COX7A2L: variants seen among roughly 807,000 people sequenced by gnomAD.
COX7A2L encodes the protein cytochrome c oxidase subunit 7A2 like, also known as cytochrome c oxidase subunit 7A2-like, mitochondrial.
Under a neutral mutation model 14.2 loss-of-function variants are expected in COX7A2L, and 18 were observed. The observed-to-expected ratio is 1.27, with a 90% CI of 0.88 to 1.88. The LOEUF (loss-of-function observed/expected upper bound fraction) is 1.88. COX7A2L is among the 40% of genes most tolerant of loss of function. The pLI is 0.00. For synonymous variants in COX7A2L, 65 were observed against 57.4 expected (o/e 1.13, Z -0.60); for missense variants, 179 against 138.8 (o/e 1.29, Z -1.46).
At chr2:42,353,968 G>A (rs780337271) in intron 1 of COX7A2L, among the ~76,000 whole-genome samples, 31 of 152,260 alleles carry the variant, frequency 2.0e-4, no homozygotes, top group African/African-American at 6.3e-4. Flanking sequence ...AAAACATTAC[G>A]CTGAGTCAAA....
chr2:42,365,015 T>C (rs949137977), upstream of COX7A2L, among the ~76,000 whole-genome samples: 2 of 152,218 alleles, frequency 1.3e-5, no homozygotes, highest in Non-Finnish European at 2.9e-5. Context: ...TCACATTTCA[T>C]CTCACTGGTT....
At chr2:42,337,794 G>A (rs1048205803) in intron 2 of COX7A2L, among the ~76,000 whole-genome samples, 8 of 152,152 alleles carry the variant, frequency 5.3e-5, no homozygotes, top group Admixed American at 4.6e-4. Flanking sequence ...CTTTTGAAGG[G>A]AATATGGAGA....
intron 2 of COX7A2L, among the ~76,000 whole-genome samples, chr2:42,351,989 G>C (rs1228464488): frequency 6.6e-6 from 1 of 152,052 alleles, no homozygotes; most frequent in African/African-American, 2.4e-5. Flanking sequence ...TCTTAAAAAA[G>C]ATAAAAAGAG....
chr2:42,363,450 T>C (rs547547988), upstream of COX7A2L, among the ~76,000 whole-genome samples: 1 of 152,368 alleles, frequency 6.6e-6, no homozygotes, highest in African/African-American at 2.4e-5. Context: ...CACTAAGGTG[T>C]ACCAGCTTCT....
chr2:42,362,883 T>A (rs75136469), upstream of COX7A2L, among the ~76,000 whole-genome samples: 76 of 135,028 alleles, frequency 5.6e-4, no homozygotes, highest in African/African-American at 1.6e-3. Flanking sequence ...TTTTTTTTTT[T>A]AAATTCTTTT....
intron 1 of COX7A2L, among the ~76,000 whole-genome samples, chr2:42,354,787 A>G (rs72976240): frequency 8.5e-5 from 13 of 152,364 alleles, no homozygotes; most frequent in African/African-American, 3.1e-4. Context: ...CACTAGAAAT[A>G]CACAATGAAT....
intron 1 of COX7A2L, among the ~76,000 whole-genome samples, chr2:42,356,840 G>A (rs1670833659): frequency 1.3e-5 from 2 of 152,172 alleles, no homozygotes; most frequent in Non-Finnish European, 2.9e-5. Context: ...GTGGGAAGAT[G>A]ACTTGAGCCC....
chr2:42,351,683 G>A (rs527926728), intron 2 of COX7A2L, among the ~76,000 whole-genome samples: 1 of 152,206 alleles, frequency 6.6e-6, no homozygotes, highest in East Asian at 1.9e-4. Context: ...AAGAAGTGCA[G>A]GCAGGAGAGG....
intron 2 of COX7A2L, among the ~76,000 whole-genome samples, chr2:42,343,924 A>G (rs1195513224): frequency 6.6e-6 from 1 of 152,254 alleles, no homozygotes; most frequent in Non-Finnish European, 1.5e-5. Flanking sequence ...TTCACAGCAA[A>G]GTCACACTGG....
upstream of COX7A2L, among the ~76,000 whole-genome samples, chr2:42,364,515 G>T (rs1267788259): frequency 6.6e-6 from 1 of 152,042 alleles, no homozygotes; most frequent in East Asian, 1.9e-4. Flanking sequence ...AGCATCCCCA[G>T]TAAAATACTG....
chr2:42,356,108 G>A (rs1670811358), intron 1 of COX7A2L, among the ~76,000 whole-genome samples: 1 of 152,046 alleles, frequency 6.6e-6, no homozygotes, highest in Non-Finnish European at 1.5e-5. Context: ...TGGCTCAGGA[G>A]CTATCCTGAA....
At chr2:42,337,775 CTTTTT>C (rs1300930114) in intron 2 of COX7A2L, among the ~76,000 whole-genome samples, 1 of 152,186 alleles carries the variant, frequency 6.6e-6, no homozygotes, top group Non-Finnish European at 1.5e-5. Flanking sequence ...ACTTTACCTT[CTTTTT>C]ATGCTTTTGA....
intron 1 of COX7A2L, among the ~76,000 whole-genome samples, chr2:42,360,638 G>A (rs1670995809): frequency 6.6e-6 from 1 of 152,098 alleles, no homozygotes; most frequent in African/African-American, 2.4e-5. Flanking sequence ...CTGCACCATG[G>A]TTTCTCTAAA....
Position 42,351,119 on chromosome 2 carries a change from G to C in COX7A2L, c.*100C>G. 1 of 1,295,398 alleles carries C rather than the reference G, an allele frequency of 7.7e-7. No individual in the cohort carries two copies. Among genetic ancestry groups the C allele is most frequent in the East Asian group, 2.5e-5 (1 of 39,392 alleles). The allele number at this position is 1,295,398 out of a possible 1,614,324, so 80.2% of individuals were successfully genotyped here. A position where few individuals can be genotyped will look rare whatever the true frequency, so the allele number is the denominator to read the frequency against. On this transcript the variant is annotated 3_prime_UTR_variant, in exon 3 of 3. Coordinates refer to ENST00000234301, the MANE Select transcript of COX7A2L (RefSeq NM_004718.4). The stretch of plus-strand genomic sequence containing the variant: ...ATCTTCCTATTTTTCTTGCAAAAAT[G>C]TTAAGCCATCCAAGTAAAAAAAAAA...
At chr2:42,359,912 A>C (rs970875500) in intron 1 of COX7A2L, 1 of 151,084 alleles carries the variant, frequency 6.6e-6, no homozygotes, top group African/African-American at 2.4e-5. Flanking sequence ...GTTTTTAGAG[A>C]CAGGGTCTCA....
rs1572782159 is a variant in COX7A2L, at chr2:42,339,074, T to A, written c.193-5205A>T. Among the ~76,000 whole-genome samples the A allele has an allele frequency of 6.6e-6, 1 of 152,236 alleles. No individual in the cohort carries two copies. Among genetic ancestry groups the A allele is most frequent in the Non-Finnish European group, 1.5e-5 (1 of 68,028 alleles). Reference sequence around the variant, plus strand: ...ACAGATTGTGAGGAAACCCTGCAGATGGCTCCGTTAATAAAGCTGCCGTTC... The same window carrying A: ...ACAGATTGTGAGGAAACCCTGCAGAAGGCTCCGTTAATAAAGCTGCCGTTC... On this transcript the variant is annotated intron_variant, in intron 2 of 2. Coordinates refer to the COX7A2L transcript ENST00000468711. This position sits in a 1 kb window ranked among gnomAD's most constrained non-coding sequence, Gnocchi z 5.4.
At chr2:42,363,259 T>C (rs6744654), upstream of COX7A2L, among the ~76,000 whole-genome samples, 4,040 of 152,274 alleles carry the variant, frequency 0.027, 157 homozygotes, top group African/African-American at 0.093. Flanking sequence ...AAATGATCCA[T>C]TGACATTAGC....
At chr2:42,353,386 G>A (rs1177817488) in intron 1 of COX7A2L, 43 bp from the exon 2 acceptor site, 1 of 1,608,972 alleles carries the variant, frequency 6.2e-7, no homozygotes, top group African/African-American at 1.3e-5. Context: ...AAGTATGTCT[G>A]AGGAGGCTGT....
rs1306388225 is a variant in COX7A2L at position 42,361,207 on chromosome 2, C to T, written c.-46G>A. The T allele has an allele frequency of 3.2e-6, 5 of 1,545,080 alleles. No individual in the cohort carries two copies. The highest frequency in any genetic ancestry group is 4.4e-6 in the Non-Finnish European group (5 of 1,135,368). ...CCGCATCCGCTGCCAACGCGACCGC[C>T]CCAGAGAAGGACCCCGCCTCCCCGG... On this transcript the variant is annotated 5_prime_UTR_variant, in exon 1 of 3. Transcript: ENST00000234301.
Sources: gnomAD v4.1 joint callset for allele counts (sites outside exome capture counted in the v4.1 genomes callset) on GRCh38, gnomAD v4.1.1 for gene constraint, Gnocchi (gnomAD v3.1) non-coding constraint, MANE v1.5 for transcripts, NCBI Gene and HGNC (gene_info 2026-07-23, HGNC 2026-07-21) for gene names.